SNTG2: variants seen among roughly 807,000 people sequenced by gnomAD.
The protein encoded by SNTG2 is gamma-2-syntrophin.
Under a neutral mutation model 70.9 loss-of-function variants are expected in SNTG2, and 74 were observed. The ratio of observed to expected loss-of-function variants is 1.04; its 90% CI spans 0.86 to 1.27. The LOEUF is 1.27. Ranked by LOEUF, SNTG2 falls within the 50% of genes most tolerant of loss-of-function variation. The pLI is 0.00. For synonymous variants in SNTG2, 278 were observed against 273.8 expected (o/e 1.02, Z -0.15); for missense variants, 717 against 690.7 (o/e 1.04, Z -0.43).
intron 9 of SNTG2, among the ~76,000 whole-genome samples, chr2:1,223,931 C>G (rs1220517977): frequency 6.9e-6 from 1 of 145,436 alleles, no homozygotes; most frequent in Non-Finnish European, 1.6e-5. Flanking sequence ...AGGCCGTAGC[C>G]CAATTCCACA....
chr2:1,139,941 CAT>C (rs1668641757), intron 6 of SNTG2, among the ~76,000 whole-genome samples: 1 of 151,750 alleles, frequency 6.6e-6, no homozygotes, highest in Non-Finnish European at 1.5e-5. Context: ...CTGATCATAT[CAT>C]ATGTTTACAT....
intron 1 of SNTG2, among the ~76,000 whole-genome samples, chr2:1,071,392 A>G (rs77473123): frequency 3.7e-4 from 55 of 149,884 alleles, no homozygotes; most frequent in African/African-American, 1.3e-3. Context: ...TCAGTAAACT[A>G]TCGCAAGAAC....
At chr2:1,098,730 A>G (rs1257646108) in intron 4 of SNTG2, among the ~76,000 whole-genome samples, 1 of 152,220 alleles carries the variant, frequency 6.6e-6, no homozygotes, top group African/African-American at 2.4e-5. Flanking sequence ...ATCGAGGAGA[A>G]TTACATATAG....
intron 13 of SNTG2, among the ~76,000 whole-genome samples, chr2:1,263,576 G>C (rs941032481): frequency 6.6e-6 from 1 of 151,976 alleles, no homozygotes; most frequent in African/African-American, 2.4e-5. Context: ...TTCTTCAGTC[G>C]TGGGGGTGGC....
chr2:1,222,309 C>T (rs1423888234), intron 9 of SNTG2, among the ~76,000 whole-genome samples: 2 of 152,350 alleles, frequency 1.3e-5, no homozygotes, highest in African/African-American at 4.8e-5. Flanking sequence ...CGCTTTTGGA[C>T]ATTAAGATCT....
intron 9 of SNTG2, among the ~76,000 whole-genome samples, chr2:1,213,341 A>T (rs887367978): frequency 6.6e-6 from 1 of 152,230 alleles, no homozygotes. Context: ...ATGTATAAAG[A>T]AACCAATTTT....
At chr2:1,228,347 G>A (rs1675939087) in intron 9 of SNTG2, among the ~76,000 whole-genome samples, 2 of 152,218 alleles carry the variant, frequency 1.3e-5, no homozygotes, top group Non-Finnish European at 1.5e-5. Context: ...CTGGTTTCTG[G>A]CTGTGGTTCC....
intron 6 of SNTG2, among the ~76,000 whole-genome samples, chr2:1,140,524 C>G (rs536925122): frequency 6.6e-5 from 10 of 152,332 alleles, no homozygotes; most frequent in African/African-American, 2.2e-4. Context: ...GTACCTGTAC[C>G]TGGTCTGTGA....
intron 9 of SNTG2, among the ~76,000 whole-genome samples, chr2:1,230,262 A>G (rs992317994): frequency 6.6e-6 from 1 of 152,224 alleles, no homozygotes; most frequent in Non-Finnish European, 1.5e-5. Flanking sequence ...TTGTGTTATG[A>G]TGACCTGCCT....
At chr2:1,125,493 T>G (rs1032895832) in intron 4 of SNTG2, among the ~76,000 whole-genome samples, 2 of 152,222 alleles carry the variant, frequency 1.3e-5, no homozygotes, top group African/African-American at 2.4e-5. Flanking sequence ...GTTTGAAGTT[T>G]GCTGCTTTCT....
At chr2:1,016,718 C>G (rs188606183) in intron 1 of SNTG2, among the ~76,000 whole-genome samples, 1 of 152,218 alleles carries the variant, frequency 6.6e-6, no homozygotes, top group Admixed American at 6.5e-5. Flanking sequence ...TGCGTATTCA[C>G]GGACTGGCTC....
At chr2:954,623 C>T (rs181488384) in intron 1 of SNTG2, among the ~76,000 whole-genome samples, 279 of 152,234 alleles carry the variant, frequency 1.8e-3, no homozygotes, top group East Asian at 0.018. Flanking sequence ...TTCAGGAAGC[C>T]GAGGTTATCC....
intron 16 of SNTG2, among the ~76,000 whole-genome samples, chr2:1,365,899 T>C (rs1022061929): frequency 2.0e-5 from 3 of 152,186 alleles, no homozygotes; most frequent in South Asian, 2.1e-4. Context: ...ATGGATGTTA[T>C]TGGGGAGGGA....
In SNTG2 at chr2:1,097,319, G is replaced by A. The variant is rs548949232; in HGVS notation, c.211-877G>A. 1.3e-5 allele frequency among the ~76,000 whole-genome samples: 2 copies of A among 152,298 alleles called. No individual in the cohort carries two copies. The highest frequency in any genetic ancestry group is 4.1e-4 in the South Asian group (2 of 4,830). ...GGCTCTGCCACCCTTTTACTTCTTT[G>A]TCCTTGCTTTGCACAGCAGATTCCT... On this transcript the variant is annotated intron_variant, in intron 2 of 16. Transcript: ENST00000308624. This position sits in a 1 kb window ranked among gnomAD's most constrained non-coding sequence, Gnocchi z 4.1.
At chr2:1,350,444 A>T (rs2148305326) in intron 16 of SNTG2, among the ~76,000 whole-genome samples, 1 of 152,372 alleles carries the variant, frequency 6.6e-6, no homozygotes, top group Non-Finnish European at 1.5e-5. Context: ...AAAAGCTACC[A>T]GATTGCCCAT....
At chr2:955,884 T>A (rs1660123069) in intron 1 of SNTG2, among the ~76,000 whole-genome samples, 1 of 151,704 alleles carries the variant, frequency 6.6e-6, no homozygotes, top group Admixed American at 6.6e-5. Flanking sequence ...CTACCCTCCT[T>A]TTAGAAGCTG....
At chr2:1,165,778 C>T (rs552396788) in intron 7 of SNTG2, 143 bp downstream of exon 7, 17 of 690,946 alleles carry the variant, frequency 2.5e-5, no homozygotes, top group African/African-American at 1.8e-4. Context: ...AGGCAGGCAC[C>T]GTGGCATCAT....
intron 8 of SNTG2, among the ~76,000 whole-genome samples, chr2:1,190,405 G>A (rs1235363226): frequency 6.8e-6 from 1 of 147,736 alleles, no homozygotes; most frequent in Non-Finnish European, 1.5e-5. Flanking sequence ...TTTTTCATTT[G>A]GATCATTTTG....
chr2:1,021,114 A>T (rs1226355821), intron 1 of SNTG2, among the ~76,000 whole-genome samples: 1 of 152,094 alleles, frequency 6.6e-6, no homozygotes, highest in African/African-American at 2.4e-5. Flanking sequence ...TCGTGTTTTG[A>T]TCTCTTCCAG....
Sources: gnomAD v4.1 joint callset for allele counts (sites outside exome capture counted in the v4.1 genomes callset) on GRCh38, gnomAD v4.1.1 for gene constraint, Gnocchi (gnomAD v3.1) non-coding constraint, MANE v1.5 for transcripts, NCBI Gene and HGNC (gene_info 2026-07-23, HGNC 2026-07-21) for gene names.